The following TMPRSS15 variants were observed in gnomAD, a reference collection of about 807,000 sequenced individuals.
TMPRSS15 encodes enteropeptidase.
In TMPRSS15, 128 loss-of-function variants were observed where a neutral mutation model predicts 125.3. The ratio of observed to expected loss-of-function variants is 1.02; its 90% confidence interval spans 0.89 to 1.18. The LOEUF (loss-of-function observed/expected upper bound fraction) is 1.18, where lower values mean the gene tolerates loss of function less well. TMPRSS15 is among the 50% of genes most tolerant of loss of function. The probability of loss-of-function intolerance (pLI) is 0.00; values close to 1 mark genes in which losing one functional copy is unlikely to be tolerated. For synonymous variants in TMPRSS15, 446 were observed against 423.2 expected (o/e 1.05, Z -0.66); for missense variants, 1,283 against 1,212.7 (o/e 1.06, Z -0.86).
intron 24 of TMPRSS15, among the ~76,000 whole-genome samples, chr21:18,271,980 G>C (rs2074562712): frequency 7.0e-6 from 1 of 142,276 alleles, no homozygotes; most frequent in African/African-American, 3.0e-5. Flanking sequence ...GTCTATCATT[G>C]ATGATGGGCA....
chr21:18,420,207 T>C (rs1230561525), intron 1 of TMPRSS15, among the ~76,000 whole-genome samples: 1 of 152,236 alleles, frequency 6.6e-6, no homozygotes, highest in African/African-American at 2.4e-5. Flanking sequence ...AGCTTCTGCG[T>C]CTATGCAATG....
intron 1 of TMPRSS15, among the ~76,000 whole-genome samples, chr21:18,472,323 A>C (rs889098082): frequency 2.0e-5 from 3 of 151,954 alleles, no homozygotes; most frequent in African/African-American, 7.3e-5. Flanking sequence ...CCTGAAATTA[A>C]ATAAACGTAT....
chr21:18,361,073 T>TA (rs1279979270), intron 7 of TMPRSS15, among the ~76,000 whole-genome samples: 4 of 152,060 alleles, frequency 2.6e-5, no homozygotes, highest in African/African-American at 4.8e-5. Flanking sequence ...GCTATTGATA[T>TA]AAAAAAATAA....
At chr21:18,466,065 T>C (rs555308888) in intron 1 of TMPRSS15, among the ~76,000 whole-genome samples, 2 of 152,080 alleles carry the variant, frequency 1.3e-5, no homozygotes, top group African/African-American at 2.4e-5. Flanking sequence ...AAAACAGATA[T>C]ATAGACCAAT....
At chr21:18,444,464 C>T (rs1004356810) in intron 1 of TMPRSS15, among the ~76,000 whole-genome samples, 3 of 151,992 alleles carry the variant, frequency 2.0e-5, no homozygotes, top group Non-Finnish European at 4.4e-5. Flanking sequence ...AGGGGAACAT[C>T]CCACACTGGG....
intron 1 of TMPRSS15, among the ~76,000 whole-genome samples, chr21:18,411,045 T>G (rs2076164803): frequency 6.6e-6 from 1 of 152,114 alleles, no homozygotes; most frequent in African/African-American, 2.4e-5. Context: ...ACAAGAAAAC[T>G]GAAAATTCAC....
chr21:18,402,356 C>T (rs2076102631), intron 1 of TMPRSS15, among the ~76,000 whole-genome samples: 1 of 151,698 alleles, frequency 6.6e-6, no homozygotes, highest in Non-Finnish European at 1.5e-5. Flanking sequence ...TGGTGAAACC[C>T]CACCGCTACT....
At chr21:18,341,637 T>G in intron 12 of TMPRSS15, 89 bp from the exon 13 acceptor site, 43 of 1,376,820 alleles carry the variant, frequency 3.1e-5, no homozygotes, top group Non-Finnish European at 3.5e-5. Flanking sequence ...AGATTCAATA[T>G]TGTCTAGAGA....
intron 14 of TMPRSS15, among the ~76,000 whole-genome samples, chr21:18,329,687 A>G (rs2075325907): frequency 6.6e-6 from 1 of 151,496 alleles, no homozygotes; most frequent in Non-Finnish European, 1.5e-5. Context: ...TTAGGTAATT[A>G]AAATCCACTT....
At chr21:18,352,148 T>C (rs564590750) in intron 10 of TMPRSS15, among the ~76,000 whole-genome samples, 2 of 152,206 alleles carry the variant, frequency 1.3e-5, no homozygotes, top group Admixed American at 6.6e-5. Flanking sequence ...TTTGGTATTA[T>C]GAATATGTGT....
chr21:18,385,689 T>C (rs529742564), intron 3 of TMPRSS15, among the ~76,000 whole-genome samples: 185 of 152,278 alleles, frequency 1.2e-3, no homozygotes, highest in Non-Finnish European at 2.2e-3. Flanking sequence ...TCATTGTCAT[T>C]GTACTACTGA....
intron 1 of TMPRSS15, among the ~76,000 whole-genome samples, chr21:18,425,366 C>T (rs2076200498): frequency 6.6e-6 from 1 of 152,020 alleles, no homozygotes; most frequent in Non-Finnish European, 1.5e-5. Flanking sequence ...TTAAACAATT[C>T]TAAAAGAAAG....
intron 3 of TMPRSS15, among the ~76,000 whole-genome samples, chr21:18,394,660 C>A (rs2076018669): frequency 6.6e-6 from 1 of 151,150 alleles, no homozygotes; most frequent in South Asian, 2.1e-4. Flanking sequence ...GACTCTACCT[C>A]ATTTTCAGCT....
At chr21:18,343,106 G>T (rs1180014297) in intron 12 of TMPRSS15, among the ~76,000 whole-genome samples, 1 of 152,162 alleles carries the variant, frequency 6.6e-6, no homozygotes, top group African/African-American at 2.4e-5. Flanking sequence ...GTGGGTGGAT[G>T]CCTATGGGCA....
At chr21:18,470,320 CA>C (rs61488573) in intron 1 of TMPRSS15, among the ~76,000 whole-genome samples, 22,473 of 147,676 alleles carry the variant, frequency 0.15, 4,515 homozygotes, top group African/African-American at 0.47. Flanking sequence ...ATACAGAAAA[CA>C]AAAAAAAAAG....
At chr21:18,350,294 T>C (rs769416592) in intron 10 of TMPRSS15, among the ~76,000 whole-genome samples, 6 of 152,190 alleles carry the variant, frequency 3.9e-5, no homozygotes, top group Non-Finnish European at 8.8e-5. Context: ...CACTAAACTT[T>C]TTTTGTCTTA....
At chr21:18,375,953 T>G (rs1452588428) in intron 5 of TMPRSS15, among the ~76,000 whole-genome samples, 2 of 152,170 alleles carry the variant, frequency 1.3e-5, no homozygotes, top group African/African-American at 2.4e-5. Flanking sequence ...CATGAGTAAA[T>G]TGAAACCATG....
At chr21:18,362,648 T>C (rs1359557848) in intron 7 of TMPRSS15, among the ~76,000 whole-genome samples, 1 of 152,172 alleles carries the variant, frequency 6.6e-6, no homozygotes, top group Non-Finnish European at 1.5e-5. Context: ...TAAATTAAAT[T>C]TCTTTAAATT....
intron 21 of TMPRSS15, among the ~76,000 whole-genome samples, chr21:18,285,428 C>T (rs1311215191): frequency 2.6e-5 from 4 of 152,268 alleles, no homozygotes; most frequent in Middle Eastern, 6.8e-3. Context: ...TAAATTAAAA[C>T]CTTTTTCCTG....
Sources: allele counts gnomAD v4.1 joint callset (sites outside exome capture counted in the v4.1 genomes callset), GRCh38; gene constraint gnomAD v4.1.1; transcripts MANE v1.5; gene names NCBI Gene and HGNC (gene_info 2026-07-23, HGNC 2026-07-21).